The following RIN2 variants were observed in gnomAD, a reference collection of about 807,000 sequenced individuals.
RIN2 encodes the protein Ras and Rab interactor 2.
In RIN2, 36 loss-of-function variants were observed where a neutral mutation model predicts 78.0. That is an observed-to-expected ratio of 0.46 (90% CI 0.35 to 0.61). The LOEUF is 0.61. Ranked by LOEUF, RIN2 falls within the 20% of genes least tolerant of loss-of-function variation. The probability of loss-of-function intolerance (pLI) is 0.00; values close to 1 mark genes in which losing one functional copy is unlikely to be tolerated. For missense variants in RIN2, 1,087 were observed against 1,159.7 expected (o/e 0.94, Z 0.91); for synonymous variants, 466 against 466.8 (o/e 1.00, Z 0.02).
intron 2 of RIN2, among the ~76,000 whole-genome samples, chr20:19,802,666 G>A (rs190879350): frequency 1.3e-5 from 2 of 151,948 alleles, no homozygotes; most frequent in Admixed American, 6.6e-5. Context: ...CACCTGGGTC[G>A]CTAGGGTTGG....
At chr20:19,848,534 C>CAAA (rs11352724) in intron 2 of RIN2, among the ~76,000 whole-genome samples, 113 of 52,638 alleles carry the variant, frequency 2.1e-3, no homozygotes, top group Middle Eastern at 0.011. Context: ...GACTCCATCT[C>CAAA]AAAAAAAAAA....
At chr20:19,858,196 T>C (rs898898850) in intron 2 of RIN2, among the ~76,000 whole-genome samples, 11 of 152,216 alleles carry the variant, frequency 7.2e-5, no homozygotes, top group African/African-American at 2.7e-4. Context: ...TCCTTGTTTT[T>C]CTGTCTTACA....
chr20:19,814,551 C>T (rs1332046736), intron 2 of RIN2, among the ~76,000 whole-genome samples: 4 of 152,230 alleles, frequency 2.6e-5, no homozygotes, highest in Admixed American at 6.5e-5. Context: ...CACCTAAATC[C>T]TCCACCTCTC....
intron 3 of RIN2, among the ~76,000 whole-genome samples, chr20:19,904,262 A>ATATATATATATATATATATAT (rs1568592300): frequency 6.8e-6 from 1 of 147,268 alleles, no homozygotes; most frequent in African/African-American, 2.5e-5. Flanking sequence ...TATATATATA[A>ATATATATATATATATATATAT]AATATATATA....
chr20:19,791,346 A>C (rs535470350), intron 1 of RIN2, among the ~76,000 whole-genome samples: 7 of 152,368 alleles, frequency 4.6e-5, no homozygotes, highest in African/African-American at 1.2e-4. Flanking sequence ...GATGTTATTT[A>C]ATTTCCTCTT....
intron 3 of RIN2, among the ~76,000 whole-genome samples, chr20:19,917,241 C>T (rs1185576005): frequency 6.6e-6 from 1 of 152,066 alleles, no homozygotes. Context: ...CACCGAATGC[C>T]TTATTTCCTT....
chr20:19,902,716 T>C (rs2039040465), intron 3 of RIN2, among the ~76,000 whole-genome samples: 1 of 152,192 alleles, frequency 6.6e-6, no homozygotes, highest in Non-Finnish European at 1.5e-5. Flanking sequence ...CCAGTGAAAC[T>C]TGAATTCCAG....
chr20:19,931,608 CAG>C (rs2040440957), intron 3 of RIN2, among the ~76,000 whole-genome samples: 1 of 151,992 alleles, frequency 6.6e-6, no homozygotes, highest in Non-Finnish European at 1.5e-5. Context: ...ATGAGCAAAT[CAG>C]GGTAACTGGG....
chr20:19,993,691 A>T (rs2146402671), intron 11 of RIN2, among the ~76,000 whole-genome samples: 1 of 152,164 alleles, frequency 6.6e-6, no homozygotes, highest in African/African-American at 2.4e-5. Flanking sequence ...CCCTCCCTGG[A>T]GCTTTTCTTG....
chr20:19,876,863 A>G (rs1488252479), intron 2 of RIN2, among the ~76,000 whole-genome samples: 1 of 150,516 alleles, frequency 6.6e-6, no homozygotes, highest in Non-Finnish European at 1.5e-5. Context: ...CTGAGATCTC[A>G]CCACTGCACT....
At chr20:19,779,897 A>C (rs1406311775) in intron 1 of RIN2, among the ~76,000 whole-genome samples, 1 of 152,194 alleles carries the variant, frequency 6.6e-6, no homozygotes, top group African/African-American at 2.4e-5. Flanking sequence ...AGCATAGCAA[A>C]ATCAGCCTAT....
intron 6 of RIN2, among the ~76,000 whole-genome samples, chr20:19,961,068 G>C (rs565267880): frequency 6.6e-6 from 1 of 152,292 alleles, no homozygotes; most frequent in East Asian, 1.9e-4. Flanking sequence ...ATATGGTAGG[G>C]AACTAATAGA....
At chr20:19,961,829 G>A (rs566847051) in intron 6 of RIN2, among the ~76,000 whole-genome samples, 180 of 152,154 alleles carry the variant, frequency 1.2e-3, no homozygotes, top group African/African-American at 4.0e-3. Flanking sequence ...CCTGAAAGGC[G>A]CACAAGCAGG....
intron 11 of RIN2, among the ~76,000 whole-genome samples, chr20:19,992,974 A>C (rs1472954288): frequency 1.3e-5 from 2 of 151,948 alleles, no homozygotes; most frequent in Non-Finnish European, 2.9e-5. Flanking sequence ...GAATCTGTGC[A>C]GTTTGCTCTC....
intron 4 of RIN2, among the ~76,000 whole-genome samples, chr20:19,945,188 G>A (rs996426678): frequency 1.3e-5 from 2 of 152,208 alleles, no homozygotes; most frequent in Non-Finnish European, 2.9e-5. Context: ...CAGTGCTGAG[G>A]CTCTGATTCA....
chr20:19,973,196 T>C (rs2042160594), intron 8 of RIN2, among the ~76,000 whole-genome samples: 1 of 152,248 alleles, frequency 6.6e-6, no homozygotes, highest in Non-Finnish European at 1.5e-5. Context: ...ACATGAGTTC[T>C]AAAATTTAAA....
chr20:19,999,466 A>T (rs2043075236), intron 12 of RIN2, among the ~76,000 whole-genome samples: 1 of 152,148 alleles, frequency 6.6e-6, no homozygotes, highest in African/African-American at 2.4e-5. Flanking sequence ...CCTCGTGGTG[A>T]CCTTGCAGGC....
intron 3 of RIN2, among the ~76,000 whole-genome samples, chr20:19,932,763 G>GA (rs1219541251): frequency 6.6e-6 from 1 of 152,122 alleles, no homozygotes; most frequent in Non-Finnish European, 1.5e-5. Flanking sequence ...CTTCCAAACA[G>GA]AAAAATCTCC....
chr20:19,901,955 G>T (rs1244347330), intron 3 of RIN2, among the ~76,000 whole-genome samples: 2 of 143,694 alleles, frequency 1.4e-5, no homozygotes, highest in Non-Finnish European at 3.0e-5. Flanking sequence ...GGCGGAGGTT[G>T]TGATGAGCCA....
Sources: allele counts gnomAD v4.1 joint callset (sites outside exome capture counted in the v4.1 genomes callset), GRCh38; gene constraint gnomAD v4.1.1; transcripts MANE v1.5; gene names NCBI Gene and HGNC (gene_info 2026-07-23, HGNC 2026-07-21).